Variants in FMN2 observed in about 807,000 individuals in gnomAD.
FMN2 encodes formin 2.
A neutral mutation model predicts 142.3 loss-of-function variants in FMN2; 51 were observed. The ratio of observed to expected loss-of-function variants is 0.36; its 90% CI spans 0.29 to 0.45. The LOEUF (loss-of-function observed/expected upper bound fraction) is 0.45, where lower values mean the gene tolerates loss of function less well. Ranked by LOEUF, FMN2 falls within the 20% of genes least tolerant of loss-of-function variation. The probability of loss-of-function intolerance (pLI) is 1.00; values close to 1 mark genes in which losing one functional copy is unlikely to be tolerated. For synonymous variants in FMN2, 882 were observed against 869.8 expected (o/e 1.01, Z -0.25); for missense variants, 1,936 against 2,122.8 (o/e 0.91, Z 1.73).
chr1:240,254,000 C>T (rs1341515201), intron 6 of FMN2, among the ~76,000 whole-genome samples: 2 of 152,208 alleles, frequency 1.3e-5, no homozygotes, highest in African/African-American at 4.8e-5. Flanking sequence ...GTGGCAGTGG[C>T]AGGCTGAGCA....
rs373441826 is a variant in FMN2, at chr1:240,246,387, G to A, written c.4066-11558G>A. On this transcript the variant is annotated intron_variant, in intron 6 of 17. Coordinates refer to ENST00000319653, the MANE Select transcript of FMN2 (RefSeq NM_020066.5). ...AGGTGGGAGGGATCACTTGAGCCTG[G>A]GAGTTAGAGGCTACAATCAGCTATA... Among the ~76,000 whole-genome samples, 124 of 152,224 alleles carry A rather than the reference G, an allele frequency of 8.1e-4. 2 individuals carry two copies. In the South Asian group the frequency reaches 0.021, roughly 26 times the overall value.
chr1:240,389,334 T>C (rs146165700), intron 14 of FMN2, among the ~76,000 whole-genome samples: 3 of 152,276 alleles, frequency 2.0e-5, no homozygotes, highest in African/African-American at 7.2e-5. Context: ...TAAATAACAA[T>C]AAGTTGTTGC....
At chr1:240,101,237 T>C (rs1347064203) in intron 1 of FMN2, among the ~76,000 whole-genome samples, 5 of 152,182 alleles carry the variant, frequency 3.3e-5, no homozygotes, top group Non-Finnish European at 7.3e-5. Flanking sequence ...TTCAAGTCAA[T>C]TTCAGCACTG....
rs1326298482 is a variant in FMN2 at position 240,092,054 on chromosome 1, A to G, written c.-56A>G. On this transcript the variant is annotated 5_prime_UTR_variant, in exon 1 of 18. Coordinates refer to ENST00000319653, the MANE Select transcript of FMN2 (RefSeq NM_020066.5). ...CCTAGGCCCGGACCTGGGGCCGAGGAGGGCCGGGATGGCCTGAGTGCCCGC... is the reference window on the plus strand; with the variant it reads ...CCTAGGCCCGGACCTGGGGCCGAGGGGGGCCGGGATGGCCTGAGTGCCCGC... 6.7e-7 allele frequency: 1 copy of G among 1,500,508 alleles called. No homozygotes were observed. Among genetic ancestry groups the G allele is most frequent in the Non-Finnish European group, 8.9e-7 (1 of 1,129,010 alleles). The allele number at this position is 1,500,508 out of a possible 1,614,324, so 92.9% of individuals were successfully genotyped here.
chr1:240,111,642 C>T (rs373625764), intron 1 of FMN2, among the ~76,000 whole-genome samples: 4 of 152,194 alleles, frequency 2.6e-5, no homozygotes, highest in African/African-American at 9.6e-5. Flanking sequence ...TGCAATCTGT[C>T]TTATCAGCCT....
intron 15 of FMN2, among the ~76,000 whole-genome samples, chr1:240,430,728 A>C (rs923741592): frequency 4.0e-5 from 6 of 151,498 alleles, no homozygotes; most frequent in Admixed American, 1.3e-4. Context: ...AAAAAAAAAA[A>C]AAAACTTTCC....
chr1:240,159,690 C>A (rs1049972561), intron 2 of FMN2, among the ~76,000 whole-genome samples: 4 of 151,862 alleles, frequency 2.6e-5, no homozygotes, highest in Non-Finnish European at 4.4e-5. Flanking sequence ...TTAACCTAAC[C>A]TGTTTGTGGG....
chr1:240,370,999 C>T (rs894826227), intron 14 of FMN2, among the ~76,000 whole-genome samples: 4 of 152,242 alleles, frequency 2.6e-5, no homozygotes, highest in African/African-American at 4.8e-5. Flanking sequence ...AATACAGTGG[C>T]GGGATCTCAA....
intron 3 of FMN2, among the ~76,000 whole-genome samples, chr1:240,185,793 A>G (rs982749527): frequency 1.3e-5 from 2 of 152,258 alleles, no homozygotes; most frequent in South Asian, 4.1e-4. Context: ...ACTTTTCCCC[A>G]CTGGTACAAA....
chr1:240,329,461 T>C lies in FMN2; in HGVS notation c.4430T>C (p.Leu1477Ser). ...CGCAAACTGGAATTACTACAGAAAT[T>C]GTGTGAGGTGAGTTCTGGTCCAAAG... is the stretch of plus-strand genomic sequence containing the variant. ...IRRKLELLQK[L>S]CETLKNGPGV... Residue 1477 changes from leucine to serine, a missense_variant, in exon 10 of 18, where the codon TTG (leucine) becomes TCG (serine). Transcript: ENST00000319653. The C allele has an allele frequency of 6.2e-7, 1 of 1,613,806 alleles. No homozygotes were observed. The highest frequency in any genetic ancestry group is 8.5e-7 in the Non-Finnish European group (1 of 1,179,870).
At chr1:240,095,144 T>C (rs1228724690) in intron 1 of FMN2, among the ~76,000 whole-genome samples, 1 of 152,198 alleles carries the variant, frequency 6.6e-6, no homozygotes, top group African/African-American at 2.4e-5. Flanking sequence ...TAGAAGAAGA[T>C]TGGAAAGTTT....
intron 7 of FMN2, among the ~76,000 whole-genome samples, chr1:240,286,473 TGCCAGTTCCTTG>T (rs1669594103): frequency 6.6e-6 from 1 of 152,190 alleles, no homozygotes; most frequent in African/African-American, 2.4e-5. Flanking sequence ...AAGTGCCTGT[TGCCAGTTCCTTG>T]GCCTTCAGGG....
At chr1:240,411,566 A>G (rs1233759033) in intron 15 of FMN2, among the ~76,000 whole-genome samples, 4 of 148,830 alleles carry the variant, frequency 2.7e-5, no homozygotes, top group South Asian at 2.1e-4. Flanking sequence ...GTGAGACTCC[A>G]TCTCAAAAAA....
chr1:240,112,758 G>T (rs903964689), intron 1 of FMN2, among the ~76,000 whole-genome samples: 7 of 152,158 alleles, frequency 4.6e-5, no homozygotes, highest in African/African-American at 7.2e-5. Context: ...CCTTTATGGG[G>T]ATTGCACTTG....
chr1:240,314,702 T>C (rs971707480), intron 8 of FMN2, among the ~76,000 whole-genome samples: 1 of 152,186 alleles, frequency 6.6e-6, no homozygotes, highest in African/African-American at 2.4e-5. Context: ...ATGGAAACCC[T>C]TGTTTGCTTC....
chr1:240,429,582 C>T (rs192436106), intron 15 of FMN2, among the ~76,000 whole-genome samples: 2 of 152,302 alleles, frequency 1.3e-5, no homozygotes, highest in Admixed American at 1.3e-4. Context: ...ATTTACTTCA[C>T]ACTTCTCTGA....
At chr1:240,143,786 T>C (rs1201597883) in intron 2 of FMN2, 5 of 1,512,492 alleles carry the variant, frequency 3.3e-6, no homozygotes, top group African/African-American at 2.8e-5. Flanking sequence ...TACATCTCCA[T>C]TGCAGGACCC....
chr1:240,398,473 A>G (rs1015354661), intron 15 of FMN2, among the ~76,000 whole-genome samples: 2 of 152,238 alleles, frequency 1.3e-5, no homozygotes, highest in African/African-American at 4.8e-5. Context: ...AGTGAGTTGC[A>G]TGAAAAAATT....
At chr1:240,420,600 C>A (rs188506528) in intron 15 of FMN2, among the ~76,000 whole-genome samples, 1 of 152,168 alleles carries the variant, frequency 6.6e-6, no homozygotes, top group Non-Finnish European at 1.5e-5. Context: ...GTGTTCACAC[C>A]AGGACATTTT....
Sources: gnomAD v4.1 joint callset for allele counts (sites outside exome capture counted in the v4.1 genomes callset) on GRCh38, gnomAD v4.1.1 for gene constraint, MANE v1.5 for transcripts, NCBI Gene and HGNC (gene_info 2026-07-23, HGNC 2026-07-21) for gene names.